CAV1: variants seen among roughly 807,000 people sequenced by gnomAD.
The protein encoded by CAV1 is caveolin-1.
A neutral mutation model predicts 16.5 loss-of-function variants in CAV1; 10 were observed. The ratio of observed to expected loss-of-function variants is 0.61; its 90% CI spans 0.37 to 1.03. The LOEUF (loss-of-function observed/expected upper bound fraction) is 1.03. Among genes scored for constraint, CAV1 ranks in the 50% least tolerant of loss-of-function variants. The pLI is 0.01. For missense variants in CAV1, 212 were observed against 232.8 expected (o/e 0.91, Z 0.58); for synonymous variants, 76 against 85.1 (o/e 0.89, Z 0.59).
At chr7:116,554,413 G>A (rs1794223416) in intron 2 of CAV1, among the ~76,000 whole-genome samples, 1 of 152,148 alleles carries the variant, frequency 6.6e-6, no homozygotes, top group Non-Finnish European at 1.5e-5. Flanking sequence ...AGATTTAAAG[G>A]AGACCTAGAG....
At chr7:116,537,829 G>T (rs1333867979) in intron 2 of CAV1, among the ~76,000 whole-genome samples, 4 of 152,220 alleles carry the variant, frequency 2.6e-5, no homozygotes, top group Admixed American at 1.3e-4. Context: ...AAGGAATGTG[G>T]ATGCTGGGCA....
chr7:116,556,461 C>G (rs1050227344), intron 2 of CAV1, among the ~76,000 whole-genome samples: 1 of 151,062 alleles, frequency 6.6e-6, no homozygotes, highest in African/African-American at 2.4e-5. Flanking sequence ...AAGTTGATAA[C>G]TTTCAGACCA....
chr7:116,549,204 G>A (rs1290183951), intron 2 of CAV1, among the ~76,000 whole-genome samples: 2 of 152,208 alleles, frequency 1.3e-5, no homozygotes, highest in Non-Finnish European at 2.9e-5. Flanking sequence ...CCCTTCCCCA[G>A]CAGGGCTGGG....
At chr7:116,525,368 G>T in intron 1 of CAV1, 1 of 1,534,984 alleles carries the variant, frequency 6.5e-7, no homozygotes, top group Non-Finnish European at 8.8e-7. Context: ...TGGGTCTGTT[G>T]GGCCCAGGAC....
intron 2 of CAV1, among the ~76,000 whole-genome samples, chr7:116,549,527 T>C (rs1329403367): frequency 6.6e-6 from 1 of 152,192 alleles, no homozygotes; most frequent in Admixed American, 6.5e-5. Flanking sequence ...AAGAAAATCA[T>C]TTAAAATAAA....
At chr7:116,531,370 C>T (rs1344122492) in intron 2 of CAV1, among the ~76,000 whole-genome samples, 2 of 152,106 alleles carry the variant, frequency 1.3e-5, no homozygotes, top group East Asian at 3.9e-4. Context: ...TGTAATGATT[C>T]TTAAATATGC....
At position 116,549,290 on chromosome 7, in the gene CAV1, C is replaced by T. The variant is rs111554505; in HGVS notation, c.196-9656C>T. On this transcript the variant is annotated intron_variant, in intron 2 of 2. Transcript: ENST00000341049. ...CCAGTGCGTGTCCACCACTTTGGGG[C>T]CAGGTCTACACAACTGCAGTGATTC... Among the ~76,000 whole-genome samples the T allele has an allele frequency of 9.6e-3, 1,463 of 152,294 alleles. 25 individuals carry two copies. Among genetic ancestry groups the T allele is most frequent in the African/African-American group, 0.033 (1,389 of 41,564 alleles).
chr7:116,528,181 C>T (rs911435287), intron 2 of CAV1, among the ~76,000 whole-genome samples: 1 of 144,802 alleles, frequency 6.9e-6, no homozygotes, highest in Admixed American at 7.5e-5. Context: ...CCCTGTTGTT[C>T]CACTGCACTG....
intron 2 of CAV1, among the ~76,000 whole-genome samples, chr7:116,551,201 C>T (rs1229090148): frequency 1.3e-5 from 2 of 152,192 alleles, no homozygotes; most frequent in Non-Finnish European, 2.9e-5. Context: ...TTAACAAGCA[C>T]CTTCACCAGG....
rs560539966 is a variant in CAV1, at chr7:116,546,337, G to A, written c.196-12609G>A. ...GAGATGGCTCCGGGTTCCCTCAGAC[G>A]GCTCACAGCCAGCTGGTCTGCAGTG... On this transcript the variant is annotated intron_variant, in intron 2 of 2. Coordinates refer to ENST00000341049, the MANE Select transcript of CAV1 (RefSeq NM_001753.5). Among the ~76,000 whole-genome samples, 44 of 152,194 alleles carry A rather than the reference G, an allele frequency of 2.9e-4. No individual in the cohort carries two copies. The South Asian group carries it at 7.5e-3, about 26-fold the overall frequency.
chr7:116,551,221 T>C (rs1794156569), intron 2 of CAV1, among the ~76,000 whole-genome samples: 1 of 152,308 alleles, frequency 6.6e-6, no homozygotes, highest in Middle Eastern at 3.4e-3. Context: ...GTGATCCTTT[T>C]GCTGAGAACC....
chr7:116,548,145 G>C (rs1215141495), intron 2 of CAV1, among the ~76,000 whole-genome samples: 2 of 152,196 alleles, frequency 1.3e-5, no homozygotes, highest in East Asian at 3.8e-4. Context: ...GAGGGGATGA[G>C]GTGCAAATGC....
chr7:116,558,583 TAAAA>T (rs35500345), intron 2 of CAV1, among the ~76,000 whole-genome samples: 1 of 132,292 alleles, frequency 7.6e-6, no homozygotes, highest in Non-Finnish European at 1.6e-5. Flanking sequence ...CTCCATCTCT[TAAAA>T]AAAAAAAAAA....
chr7:116,534,380 T>G (rs1467817875), intron 2 of CAV1, among the ~76,000 whole-genome samples: 3 of 13,686 alleles, frequency 2.2e-4, no homozygotes, highest in Non-Finnish European at 5.1e-4. Context: ...TATATATATA[T>G]ATATATATAT....
At chr7:116,554,288 T>G (rs1214341954) in intron 2 of CAV1, among the ~76,000 whole-genome samples, 2 of 152,142 alleles carry the variant, frequency 1.3e-5, no homozygotes, top group African/African-American at 4.8e-5. Flanking sequence ...TTCCTTCCTG[T>G]TTTTTTCACC....
intron 1 of CAV1, chr7:116,525,649 C>T: frequency 9.1e-7 from 1 of 1,093,730 alleles, no homozygotes; most frequent in Non-Finnish European, 1.1e-6. Flanking sequence ...GAGAGGTAGA[C>T]CTCCCCTCCC....
chr7:116,530,779 A>G (rs1048002653), intron 2 of CAV1, among the ~76,000 whole-genome samples: 3 of 142,298 alleles, frequency 2.1e-5, no homozygotes, highest in Non-Finnish European at 3.2e-5. Flanking sequence ...TAAAATGCGG[A>G]GTCTGTAAAT....
chr7:116,526,250 C>T (rs1793555520), intron 1 of CAV1: 33 of 1,226,384 alleles, frequency 2.7e-5, no homozygotes, highest in Non-Finnish European at 3.3e-5. Flanking sequence ...GCGGGGCCTG[C>T]CCTGACCCCT....
intron 2 of CAV1, among the ~76,000 whole-genome samples, chr7:116,541,346 G>A (rs1418501210): frequency 1.3e-5 from 2 of 152,242 alleles, no homozygotes; most frequent in African/African-American, 2.4e-5. Context: ...ATTACCTTTG[G>A]TTATTGTCAG....
Sources: gnomAD v4.1 joint callset for allele counts (sites outside exome capture counted in the v4.1 genomes callset) on GRCh38, gnomAD v4.1.1 for gene constraint, MANE v1.5 for transcripts, NCBI Gene and HGNC (gene_info 2026-07-23, HGNC 2026-07-21) for gene names.